Variants in SGO1 observed in about 807,000 individuals in gnomAD.
SGO1 encodes the protein shugoshin 1.
In SGO1, 39 loss-of-function variants were observed where a neutral mutation model predicts 50.5. The observed-to-expected ratio is 0.77, with a 90% CI of 0.60 to 1.01. SGO1 has a LOEUF of 1.01. Ranked by LOEUF, SGO1 falls within the 50% of genes least tolerant of loss-of-function variation. The probability of loss-of-function intolerance (pLI) is 0.00; values close to 1 mark genes in which losing one functional copy is unlikely to be tolerated. For synonymous variants in SGO1, 191 were observed against 205.1 expected (o/e 0.93, Z 0.59); for missense variants, 638 against 606.0 (o/e 1.05, Z -0.55).
chr3:20,179,574 G>C (rs1236705729), intron 3 of SGO1, among the ~76,000 whole-genome samples: 1 of 152,100 alleles, frequency 6.6e-6, no homozygotes, highest in Non-Finnish European at 1.5e-5. Flanking sequence ...ACAGGTGCAT[G>C]CCACCACAAC....
chr3:20,184,036 T>C lies in SGO1; in HGVS notation c.-7-2A>G. The C allele has an allele frequency of 1.3e-6, 2 of 1,555,432 alleles. No homozygotes were observed. The highest frequency in any genetic ancestry group is 1.7e-6 in the Non-Finnish European group (2 of 1,160,604). On this transcript the variant is annotated splice_acceptor_variant, in intron 1 of 7. Transcript: ENST00000412997. LOFTEE classifies it low-confidence loss of function (5UTR_SPLICE). ...CATCTTTCCTTGGCCATCTTTTGCC[T>C]AAACAATAAAAAATATTTTTTCTCA... is the stretch of plus-strand genomic sequence containing the variant.
chr3:20,184,013 T>A lies in SGO1; in HGVS notation c.15A>T (p.Arg5Ser), dbSNP rs777016492. Residue 5 changes from arginine (R) to serine (S), a missense_variant, in exon 2 of 8, where the codon AGA (arginine) becomes AGT (serine). Coordinates refer to ENST00000412997, the MANE Select transcript of SGO1 (RefSeq NM_001199251.3). ...TATCTTGAAAGGACTTTTTCAGGCA[T>A]CTTTCCTTGGCCATCTTTTGCCTAA... MAKE[R>S]CLKKSFQDSL... is the part of the protein sequence containing the mutation. 6.3e-7 allele frequency: 1 copy of A among 1,583,340 alleles called. No individual in the cohort carries two copies.
intron 3 of SGO1, 96 bp from the exon 4 acceptor site, chr3:20,178,443 T>C: frequency 2.3e-6 from 2 of 871,684 alleles, no homozygotes; most frequent in Non-Finnish European, 3.8e-6. Context: ...CAGTCTATCA[T>C]GGTGCCATGC....
chr3:20,179,722 C>A (rs1244219449), intron 3 of SGO1, among the ~76,000 whole-genome samples: 1 of 152,100 alleles, frequency 6.6e-6, no homozygotes, highest in Admixed American at 6.5e-5. Flanking sequence ...AGTCAATGTG[C>A]CTGGCCAATA....
In SGO1 at chr3:20,171,213, C is replaced by A. The variant is rs1462532096; in HGVS notation, c.1302G>T (p.Gln434His). 3 of 1,591,632 alleles carry A rather than the reference C, an allele frequency of 1.9e-6. No homozygotes were observed. In the African/African-American group the frequency reaches 4.1e-5, roughly 22 times the overall value. Residue 434 changes from glutamine (Q) to histidine (H), a missense_variant, in exon 7 of 8, where the codon CAG becomes CAT. Gln to His is a conservative substitution (Grantham distance 24). Coordinates refer to ENST00000412997, the MANE Select transcript of SGO1 (RefSeq NM_001199251.3). ...KTPTTTPPET[Q>H]QSPHLSLKDI... ...CCTTCAGGCTAAGATGAGGTGACTG[C>A]TGAGTTTCAGGTGGTGTAGCTACAA...
At chr3:20,173,400 A>G (rs1701001072) in intron 6 of SGO1, among the ~76,000 whole-genome samples, 2 of 152,124 alleles carry the variant, frequency 1.3e-5, no homozygotes, top group South Asian at 2.1e-4. Flanking sequence ...TCAGCCTCCC[A>G]AAGTGCTGGG....
chr3:20,178,110 A>C (rs1701608622), intron 4 of SGO1, among the ~76,000 whole-genome samples, 161 bp downstream of exon 4: 1 of 152,230 alleles, frequency 6.6e-6, no homozygotes, highest in Non-Finnish European at 1.5e-5. Flanking sequence ...TATATGTAAT[A>C]GAATTTCAAC....
chr3:20,173,425 C>G (rs1043882734), intron 6 of SGO1, among the ~76,000 whole-genome samples: 15 of 152,164 alleles, frequency 9.9e-5, no homozygotes, highest in Non-Finnish European at 1.6e-4. Flanking sequence ...CAGGCGTGAG[C>G]CAACCCGCCC....
chr3:20,161,131 G>A (rs1700015073), exon 9 of SGO1: 1 of 1,613,732 alleles, frequency 6.2e-7, no homozygotes, highest in East Asian at 2.2e-5. Flanking sequence ...TGGGTTTCAA[G>A]TTTACATTTC....
chr3:20,182,234 A>G (rs1367970623), intron 3 of SGO1, among the ~76,000 whole-genome samples: 1 of 152,116 alleles, frequency 6.6e-6, no homozygotes, highest in Non-Finnish European at 1.5e-5. Context: ...CATGGAGAAA[A>G]AAAAATAAGG....
chr3:20,163,465 G>C (rs1001164831), intron 8 of SGO1, among the ~76,000 whole-genome samples: 1 of 152,102 alleles, frequency 6.6e-6, no homozygotes, highest in African/African-American at 2.4e-5. Context: ...ACCAACAACT[G>C]TTCAAGAATG....
rs780133381 is a variant in SGO1, at chr3:20,174,532, A to G, written c.999T>C (p.Asp333=). ...CCTCTTCCAAATTAAAATTGTAAGC[A>G]TCATTGGAACTGACAGATTTGTGCA... ...KKMHKSVSSN[D]AYNFNLEEGV... The change falls in exon 6 of 8, where the codon GAT becomes GAC. Residue 333 remains aspartate, a synonymous_variant. Transcript: ENST00000412997. 6 of 1,614,094 alleles carry G rather than the reference A, an allele frequency of 3.7e-6. No homozygotes were observed. The Admixed American group carries it at 1.0e-4, about 27-fold the overall frequency.
At chr3:20,167,064 C>G (rs115866183), downstream of SGO1, among the ~76,000 whole-genome samples, 167 of 151,798 alleles carry the variant, frequency 1.1e-3, no homozygotes, top group South Asian at 8.7e-3. Context: ...CCACCCCTAC[C>G]AACACACAAA....
chr3:20,183,650 C>G lies in SGO1; in HGVS notation c.297G>C (p.Leu99Phe), dbSNP rs1702276501. 6.2e-7 allele frequency: 1 copy of G among 1,602,952 alleles called. No individual in the cohort carries two copies. The highest frequency in any genetic ancestry group is 8.5e-7 in the Non-Finnish European group (1 of 1,177,180). ...TTTGTTGTGATGTAAGTTTTCCTTT[C>G]AATGCATATAGCTGACATGTGAGAT... is the stretch of plus-strand genomic sequence containing the variant. ...CYYLTCQLYALKGKLTSQQTV... is the reference protein window; with the variant it reads ...CYYLTCQLYAFKGKLTSQQTV... The change falls in exon 3 of 8, where the codon TTG (leucine) becomes TTC (phenylalanine). Residue 99 changes from leucine to phenylalanine, a missense_variant. Physicochemically the swap from Leu to Phe is conservative, Grantham distance 22. Transcript: ENST00000412997.
intron 8 of SGO1, among the ~76,000 whole-genome samples, chr3:20,164,050 G>A (rs1700173811): frequency 6.6e-6 from 1 of 152,184 alleles, no homozygotes; most frequent in Non-Finnish European, 1.5e-5. Flanking sequence ...CAGAAAAGAG[G>A]AGGTGGAAAG....
chr3:20,176,137 G>T (rs1359687620), intron 5 of SGO1, among the ~76,000 whole-genome samples: 1 of 152,180 alleles, frequency 6.6e-6, no homozygotes, highest in African/African-American at 2.4e-5. Context: ...TGACACTTGA[G>T]AACATGGACA....
chr3:20,170,580 C>A lies in SGO1; in HGVS notation c.*124G>T. ...ATAGTTCTGAAGAAATGTTTATGAG[C>A]TAGGGTCCTGTCAAGAGAATATTCT... On this transcript the variant is annotated 3_prime_UTR_variant, in exon 8 of 8. Transcript: ENST00000412997. 1 of 1,351,472 alleles carries A rather than the reference C, an allele frequency of 7.4e-7. No individual in the cohort carries two copies. The highest frequency in any genetic ancestry group is 2.1e-5 in the South Asian group (1 of 47,090). 83.7% of individuals were successfully genotyped at this position (1,351,472 alleles called of 1,614,324 possible).
rs375681346 is a variant in SGO1, at chr3:20,171,357, T to C, written c.1283-125A>G. On this transcript the variant is annotated intron_variant, in intron 6 of 7. Transcript: ENST00000412997. Reference sequence around the variant, plus strand: ...AGCATTTAATAATAGAATTTTTTTTTAGATGGGCTCTCACTGTGTTGCCCA... The same window carrying C: ...AGCATTTAATAATAGAATTTTTTTTCAGATGGGCTCTCACTGTGTTGCCCA... 1.1e-5 allele frequency: 8 copies of C among 744,092 alleles called. No homozygotes were observed. In the East Asian group the frequency reaches 1.3e-4, roughly 12 times the overall value. The allele number at this position is 744,092 out of a possible 1,614,324, so 46.1% of individuals were successfully genotyped here.
At position 20,176,656 on chromosome 3, in the gene SGO1, T is replaced by A. The variant is rs769208840; in HGVS notation, c.420A>T (p.Gln140His). 6.4e-7 allele frequency: 1 copy of A among 1,569,818 alleles called. No individual in the cohort carries two copies. Among genetic ancestry groups the A allele is most frequent in the South Asian group, 1.2e-5 (1 of 81,558 alleles). Residue 140 changes from glutamine (Q) to histidine (H), a missense_variant, in exon 5 of 8, where the codon CAA (glutamine) becomes CAT (histidine). Coordinates refer to ENST00000412997, the MANE Select transcript of SGO1 (RefSeq NM_001199251.3). ...SRNLFVKDLP[Q>H]IPLEETELPG... ...GAAGTTCAGTTTCTTCAAGAGGAAT[T>A]TGCCTTAGAAAATACCAATGAAAAA...
Sources: allele counts gnomAD v4.1 joint callset (sites outside exome capture counted in the v4.1 genomes callset), GRCh38; gene constraint gnomAD v4.1.1; transcripts MANE v1.5; gene names NCBI Gene and HGNC (gene_info 2026-07-23, HGNC 2026-07-21).